The following MED9 variants were observed in gnomAD, a reference collection of about 807,000 sequenced individuals.
MED9 encodes mediator complex subunit 9.
In MED9, 8 loss-of-function variants were observed where a neutral mutation model predicts 13.2. The ratio of observed to expected loss-of-function variants is 0.61; its 90% CI spans 0.36 to 1.10. The LOEUF (loss-of-function observed/expected upper bound fraction) is 1.10. Among genes scored for constraint, MED9 ranks in the 50% least tolerant of loss-of-function variants. The pLI, the probability that MED9 is intolerant of heterozygous loss-of-function variation, is 0.02. For missense variants in MED9, 180 were observed against 193.4 expected, an observed-to-expected ratio of 0.93 and a Z score of 0.41; for synonymous variants, 87 against 82.8, an observed-to-expected ratio of 1.05 and a Z score of -0.28.
chr17:17,480,114 C>T (rs111354518), intron 1 of MED9, among the ~76,000 whole-genome samples: 12 of 152,096 alleles, frequency 7.9e-5, no homozygotes, highest in African/African-American at 2.4e-4. Context: ...GTTACTCTCC[C>T]GAGATTTATT....
intron 1 of MED9, chr17:17,485,759 C>T (rs954235931): frequency 3.0e-5 from 5 of 167,956 alleles, no homozygotes; most frequent in South Asian, 2.0e-4. Flanking sequence ...GTCCCCGTGT[C>T]GAGGGTTCGG....
chr17:17,491,648 C>A lies in MED9; in HGVS notation c.*153C>A. The A allele has an allele frequency of 2.7e-6, 2 of 743,926 alleles. No individual in the cohort carries two copies. Among genetic ancestry groups the A allele is most frequent in the Non-Finnish European group, 4.4e-6 (2 of 457,284 alleles). The allele number at this position is 743,926 out of a possible 1,614,324, so 46.1% of individuals were successfully genotyped here. On this transcript the variant is annotated 3_prime_UTR_variant, in exon 2 of 2. Transcript: ENST00000268711. ...CTCCTGTGCTGCTGCGCGCGCTTCG[C>A]CTGTGCGGGAGCCAGCGCAGAGCTT...
At chr17:17,479,973 G>A (rs1905003182) in intron 1 of MED9, among the ~76,000 whole-genome samples, 1 of 152,154 alleles carries the variant, frequency 6.6e-6, no homozygotes, top group African/African-American at 2.4e-5. Flanking sequence ...AGGGGTGAAG[G>A]TGGGTCTAAG....
intron 1 of MED9, 121 bp downstream of exon 1, chr17:17,477,386 C>G: frequency 8.7e-7 from 1 of 1,146,440 alleles, no homozygotes; most frequent in Non-Finnish European, 1.2e-6. Flanking sequence ...TGGGGAAACT[C>G]AGACCCAGAG....
At chr17:17,491,240 A>G in intron 1 of MED9, 39 bp from the exon 2 acceptor site, 1 of 1,569,504 alleles carries the variant, frequency 6.4e-7, no homozygotes, top group South Asian at 1.1e-5. Flanking sequence ...CAAGACGTGT[A>G]TCAAGCTGTG....
At position 17,492,073 on chromosome 17, in the gene MED9, T is replaced by C. The variant is rs1905246536; in HGVS notation, c.*578T>C. On this transcript the variant is annotated 3_prime_UTR_variant, in exon 2 of 2. Coordinates refer to ENST00000268711, the MANE Select transcript of MED9 (RefSeq NM_018019.3). Reference sequence around the variant, plus strand: ...GGCCTTTTTCCCCAAACAGTTTGGTTCCTTTTATGTTTGAGCCAGTGAAGG... The same window carrying C: ...GGCCTTTTTCCCCAAACAGTTTGGTCCCTTTTATGTTTGAGCCAGTGAAGG... 1 of 158,070 alleles carries C rather than the reference T, an allele frequency of 6.3e-6. No homozygotes were observed. Among genetic ancestry groups the C allele is most frequent in the African/African-American group, 2.4e-5 (1 of 41,492 alleles). The allele number at this position is 158,070 out of a possible 1,614,324, so 9.8% of individuals were successfully genotyped here.
At chr17:17,490,788 G>A (rs1029587178) in intron 1 of MED9, among the ~76,000 whole-genome samples, 1 of 152,164 alleles carries the variant, frequency 6.6e-6, no homozygotes, top group Non-Finnish European at 1.5e-5. Context: ...CTCCTGATTG[G>A]CCTAGAAATG....
rs1905232349 is a variant in MED9 at position 17,491,663 on chromosome 17, G to T, written c.*168G>T. 3 of 660,162 alleles carry T rather than the reference G, an allele frequency of 4.5e-6. No homozygotes were observed. Among genetic ancestry groups the T allele is most frequent in the South Asian group, 1.9e-5 (1 of 52,784 alleles). 40.9% of individuals were successfully genotyped at this position (660,162 alleles called of 1,614,324 possible). A position where few individuals can be genotyped will look rare whatever the true frequency, so the allele number is the denominator to read the frequency against. On this transcript the variant is annotated 3_prime_UTR_variant, in exon 2 of 2. Coordinates refer to ENST00000268711, the MANE Select transcript of MED9 (RefSeq NM_018019.3). ...GCGCGCTTCGCCTGTGCGGGAGCCAGCGCAGAGCTTGGCTGCGCCGGGGGT... is the reference window on the plus strand; with the variant it reads ...GCGCGCTTCGCCTGTGCGGGAGCCATCGCAGAGCTTGGCTGCGCCGGGGGT...
At chr17:17,479,169 C>A (rs769519072) in intron 1 of MED9, among the ~76,000 whole-genome samples, 1 of 152,226 alleles carries the variant, frequency 6.6e-6, no homozygotes, top group Non-Finnish European at 1.5e-5. Context: ...CTAGAGAGAA[C>A]AGGCTTTGAA....
At chr17:17,480,074 C>T (rs1224674040) in intron 1 of MED9, among the ~76,000 whole-genome samples, 1 of 152,176 alleles carries the variant, frequency 6.6e-6, no homozygotes, top group African/African-American at 2.4e-5. Context: ...GGGTGACTAC[C>T]CTTCTTCCAA....
intron 1 of MED9, chr17:17,485,279 A>ATT (rs1394413273): frequency 2.7e-6 from 1 of 375,780 alleles, no homozygotes. Flanking sequence ...ACAAAAAAAA[A>ATT]TTTTTTTTTT....
At chr17:17,479,804 AAAAT>A (rs147255951) in intron 1 of MED9, among the ~76,000 whole-genome samples, 25 of 152,282 alleles carry the variant, frequency 1.6e-4, no homozygotes, top group Non-Finnish European at 2.9e-5. Flanking sequence ...CCCTGTGTCA[AAAAT>A]AAAAAGCATA....
Position 17,477,134 on chromosome 17 carries a change from GCCT to G in MED9, c.98_100del (p.Pro33del), listed in dbSNP as rs761167081. 2 of 1,607,014 alleles carry G rather than the reference GCCT, an allele frequency of 1.2e-6. No homozygotes were observed. The highest frequency in any genetic ancestry group is 2.7e-5 in the African/African-American group (2 of 74,792). The stretch of plus-strand genomic sequence containing the variant: ...CGCTGCCTGACACCAAGCCGCTGCC[GCCT>G]CCTCAGCCGCCGCCGGTCCCTGCGC... On this transcript the variant is annotated inframe_deletion, in exon 1 of 2. Coordinates refer to ENST00000268711, the MANE Select transcript of MED9 (RefSeq NM_018019.3).
chr17:17,479,654 G>A (rs113454025), intron 1 of MED9, among the ~76,000 whole-genome samples: 107 of 151,758 alleles, frequency 7.1e-4, no homozygotes, highest in African/African-American at 2.3e-3. Context: ...GCAAAACCCC[G>A]TCCCTACAAA....
intron 1 of MED9, chr17:17,477,651 C>T (rs1433666284): frequency 5.7e-6 from 1 of 175,534 alleles, no homozygotes; most frequent in Admixed American, 6.0e-5. Context: ...TAAGCATCAT[C>T]TTCCCTGTGC....
intron 1 of MED9, chr17:17,488,303 G>A (rs1905171932): frequency 6.6e-6 from 1 of 152,270 alleles, no homozygotes; most frequent in Non-Finnish European, 1.5e-5. Context: ...TCAGATTTGG[G>A]AGGAAGTCTG....
At chr17:17,480,639 T>C (rs909465765) in intron 1 of MED9, among the ~76,000 whole-genome samples, 38 of 151,722 alleles carry the variant, frequency 2.5e-4, no homozygotes, top group African/African-American at 8.2e-4. Context: ...CTGGGTGACA[T>C]AGACTCTGTC....
At chr17:17,480,263 C>T (rs111343335) in intron 1 of MED9, among the ~76,000 whole-genome samples, 100 of 152,174 alleles carry the variant, frequency 6.6e-4, no homozygotes, top group African/African-American at 2.3e-3. Flanking sequence ...CGAGCCTTCC[C>T]CCACCTGGCT....
intron 1 of MED9, chr17:17,485,217 A>C (rs1905106136): frequency 2.6e-6 from 1 of 391,820 alleles, no homozygotes; most frequent in African/African-American, 2.1e-5. Flanking sequence ...TTTAGTAGAG[A>C]CAGGGTTTCG....
Sources: gnomAD v4.1 joint callset for allele counts (sites outside exome capture counted in the v4.1 genomes callset) on GRCh38, gnomAD v4.1.1 for gene constraint, MANE v1.5 for transcripts, NCBI Gene and HGNC (gene_info 2026-07-23, HGNC 2026-07-21) for gene names.